Variants in FBXO33 observed in about 807,000 individuals in gnomAD.
FBXO33 encodes the protein F-box only protein 33.
FBXO33 carries 22 observed loss-of-function variants against 46.3 expected under a neutral mutation model. The observed-to-expected ratio is 0.48, with a 90% CI of 0.34 to 0.68. The LOEUF is 0.68. FBXO33 is among the 30% of genes least tolerant of loss of function. FBXO33 has a pLI of 0.01. For missense variants in FBXO33, 692 were observed against 708.8 expected, an observed-to-expected ratio of 0.98 and a Z score of 0.27; for synonymous variants, 337 against 291.3, an observed-to-expected ratio of 1.16 and a Z score of -1.60.
chr14:39,431,994 C>G lies in FBXO33; in HGVS notation c.169G>C (p.Gly57Arg). 1 of 1,436,286 alleles carries G rather than the reference C, an allele frequency of 7.0e-7. No individual in the cohort carries two copies. Among genetic ancestry groups the G allele is most frequent in the Non-Finnish European group, 9.0e-7 (1 of 1,107,930 alleles). The allele number at this position is 1,436,286 out of a possible 1,614,324, so 89.0% of individuals were successfully genotyped here. ...GRPGAGSRRRGRMALCGQAAG... is the reference protein window; with the variant it reads ...GRPGAGSRRRRRMALCGQAAG... ...GCCTGCCCGCACAGAGCCATCCGGC[C>G]CCGCCGCCGGCTGCCGGCTCCCGGC... is the stretch of plus-strand genomic sequence containing the variant. Residue 57 changes from glycine to arginine, a missense_variant, in exon 1 of 4, where the codon GGC (glycine) becomes CGC (arginine). This residue lies in a region of FBXO33 where 412 missense variants were observed against 370.8 expected (regional missense o/e 1.11). Transcript: ENST00000298097.
rs758242416 is a variant in FBXO33 at position 39,432,036 on chromosome 14, G to A, written c.127C>T (p.Arg43Trp). 27 of 1,331,230 alleles carry A rather than the reference G, an allele frequency of 2.0e-5. No individual in the cohort carries two copies. The highest frequency in any genetic ancestry group is 1.6e-4 in the Admixed American group (4 of 25,452). The allele number at this position is 1,331,230 out of a possible 1,614,324, so 82.5% of individuals were successfully genotyped here. The stretch of plus-strand genomic sequence containing the variant: ...GCTCCCGGCCGCCCCCGCAGTACCC[G>A]GAGCAGCCCCCGCAGCCGTCGCAGC... ...QQLRRLRGLLRVLRGRPGAGS... is the reference protein window; with the variant it reads ...QQLRRLRGLLWVLRGRPGAGS... Residue 43 changes from arginine to tryptophan, a missense_variant, in exon 1 of 4, where the codon CGG (arginine) becomes TGG (tryptophan). By Grantham distance (101) the Arg-to-Trp change is moderately radical. Coordinates refer to ENST00000298097, the MANE Select transcript of FBXO33 (RefSeq NM_203301.4).
chr14:39,432,252 G>A lies in FBXO33; in HGVS notation c.-90C>T. 9.4e-7 allele frequency: 1 copy of A among 1,065,116 alleles called. No homozygotes were observed. The highest frequency in any genetic ancestry group is 1.2e-6 in the Non-Finnish European group (1 of 855,388). The allele number at this position is 1,065,116 out of a possible 1,614,324, so 66.0% of individuals were successfully genotyped here. On this transcript the variant is annotated 5_prime_UTR_variant, in exon 1 of 4. Transcript: ENST00000298097. ...TGTGGAGAGGGGGAAAGGCCTCTGCGGGCGTGGCCTGCCGGGAGCCAGCCT... is the reference window on the plus strand; with the variant it reads ...TGTGGAGAGGGGGAAAGGCCTCTGCAGGCGTGGCCTGCCGGGAGCCAGCCT...
Position 39,401,206 on chromosome 14 carries a change from A to G in FBXO33, c.1366T>C (p.Cys456Arg). 1 of 1,603,040 alleles carries G rather than the reference A, an allele frequency of 6.2e-7. No homozygotes were observed. Among genetic ancestry groups the G allele is most frequent in the Non-Finnish European group, 8.5e-7 (1 of 1,175,374 alleles). ...EDPLVLLAWR[C>R]TKLSLLAIHG... ...ATTGCCAGAAGAGAGAGCTTTGTGC[A>G]CCTCCATGCTAATAAAACCAACGGA... The change falls in exon 3 of 4, where the codon TGC becomes CGC. Residue 456 changes from cysteine (C) to arginine (R), a missense_variant. Physicochemically the swap from Cys to Arg is radical, Grantham distance 180. Coordinates refer to ENST00000298097, the MANE Select transcript of FBXO33 (RefSeq NM_203301.4).
At chr14:39,425,321 A>T (rs1273934335) in intron 1 of FBXO33, among the ~76,000 whole-genome samples, 1 of 152,192 alleles carries the variant, frequency 6.6e-6, no homozygotes, top group Non-Finnish European at 1.5e-5. Context: ...CAGAGGATCC[A>T]AAATTATTTC....
At chr14:39,402,627 C>A in intron 1 of FBXO33, 116 bp from the exon 2 acceptor site, 8 of 351,804 alleles carry the variant, frequency 2.3e-5, no homozygotes, top group East Asian at 1.0e-4. Context: ...TTTTATAACT[C>A]AATTAGAATC....
chr14:39,432,055 T>C lies in FBXO33; in HGVS notation c.108A>G (p.Arg36=), dbSNP rs1408907271. Residue 36 remains arginine (R), a synonymous_variant, in exon 1 of 4, where the codon CGA becomes CGG. Transcript: ENST00000298097. The stretch of plus-strand genomic sequence containing the variant: ...GTACCCGGAGCAGCCCCCGCAGCCG[T>C]CGCAGCTGCTGCAGCCGCAGCCGCC... The part of the protein sequence containing the change: ...RWRRLRLQQL[R]RLRGLLRVLR... The C allele has an allele frequency of 1.1e-5, 14 of 1,221,062 alleles. No individual in the cohort carries two copies. The highest frequency in any genetic ancestry group is 2.5e-4 in the Middle Eastern group (1 of 4,076). The allele number at this position is 1,221,062 out of a possible 1,614,324, so 75.6% of individuals were successfully genotyped here.
intron 1 of FBXO33, among the ~76,000 whole-genome samples, chr14:39,409,838 T>A (rs1246814876): frequency 1.3e-5 from 2 of 152,222 alleles, no homozygotes; most frequent in Non-Finnish European, 1.5e-5. Context: ...TCAATGGGAT[T>A]TTCTTAATTT....
At chr14:39,426,464 C>T (rs188378026) in intron 1 of FBXO33, among the ~76,000 whole-genome samples, 12 of 152,268 alleles carry the variant, frequency 7.9e-5, no homozygotes, top group Non-Finnish European at 1.3e-4. Context: ...GGGTGATTGT[C>T]TTAAAATGCA....
chr14:39,430,724 A>G (rs2075539669), intron 1 of FBXO33, among the ~76,000 whole-genome samples: 1 of 152,212 alleles, frequency 6.6e-6, no homozygotes, highest in African/African-American at 2.4e-5. Context: ...TAGAATATCC[A>G]TATAAAGAAG....
chr14:39,413,746 T>C (rs912308112), intron 1 of FBXO33, among the ~76,000 whole-genome samples: 13 of 152,204 alleles, frequency 8.5e-5, no homozygotes, highest in African/African-American at 3.1e-4. Context: ...CCAGAGCTCT[T>C]GAGTGACCAT....
At chr14:39,422,526 T>C (rs1483057625) in intron 1 of FBXO33, among the ~76,000 whole-genome samples, 1 of 152,224 alleles carries the variant, frequency 6.6e-6, no homozygotes, top group Non-Finnish European at 1.5e-5. Context: ...TCAAAGTCCT[T>C]ACAAGAGCCT....
intron 1 of FBXO33, among the ~76,000 whole-genome samples, chr14:39,409,875 G>T (rs978260344): frequency 4.0e-5 from 6 of 151,684 alleles, no homozygotes; most frequent in Admixed American, 1.3e-4. Context: ...AACTGCAACT[G>T]ATTTTTGTAT....
At chr14:39,422,843 G>T (rs2075491817) in intron 1 of FBXO33, among the ~76,000 whole-genome samples, 2 of 152,130 alleles carry the variant, frequency 1.3e-5, no homozygotes, top group African/African-American at 4.8e-5. Flanking sequence ...AATGCTTAAG[G>T]CCGGGTGCAG....
rs192335869 is a variant in FBXO33 at position 39,397,793 on chromosome 14, C to T, written c.*1723G>A. On this transcript the variant is annotated 3_prime_UTR_variant, in exon 4 of 4. Transcript: ENST00000298097. ...TTTATTCATTGATTAAAAGAATATA[C>T]ATTTAACATAAACCATACAACATCA... 6.5e-6 allele frequency: 1 copy of T among 152,694 alleles called. No homozygotes were observed. Among genetic ancestry groups the T allele is most frequent in the East Asian group, 1.9e-4 (1 of 5,182 alleles). 9.5% of individuals were successfully genotyped at this position (152,694 alleles called of 1,614,324 possible).
At chr14:39,426,956 G>A (rs2075518375) in intron 1 of FBXO33, among the ~76,000 whole-genome samples, 1 of 152,104 alleles carries the variant, frequency 6.6e-6, no homozygotes, top group African/African-American at 2.4e-5. Context: ...CCGTGAGAAC[G>A]GGAAGCATGT....
At position 39,432,184 on chromosome 14, in the gene FBXO33, C is replaced by T; in HGVS notation, c.-22G>A. ...ACATCAATGACTAGGAAGAAGGGGGCGGAACCGTCGTGGGTCTCGGCGGAA... is the reference window on the plus strand; with the variant it reads ...ACATCAATGACTAGGAAGAAGGGGGTGGAACCGTCGTGGGTCTCGGCGGAA... On this transcript the variant is annotated 5_prime_UTR_variant, in exon 1 of 4. Coordinates refer to ENST00000298097, the MANE Select transcript of FBXO33 (RefSeq NM_203301.4). The T allele has an allele frequency of 1.6e-6, 2 of 1,219,930 alleles. No individual in the cohort carries two copies. The highest frequency in any genetic ancestry group is 4.1e-5 in the South Asian group (1 of 24,334). 75.6% of individuals were successfully genotyped at this position (1,219,930 alleles called of 1,614,324 possible).
intron 1 of FBXO33, among the ~76,000 whole-genome samples, chr14:39,403,728 T>C (rs1222944711): frequency 2.6e-5 from 4 of 152,044 alleles, no homozygotes; most frequent in African/African-American, 7.2e-5. Flanking sequence ...ACATAAAACT[T>C]AGGGATAATT....
At chr14:39,423,671 C>G (rs1468223804) in intron 1 of FBXO33, among the ~76,000 whole-genome samples, 3 of 152,116 alleles carry the variant, frequency 2.0e-5, no homozygotes, top group African/African-American at 7.2e-5. Flanking sequence ...TATAATCTTG[C>G]TTATATGAAG....
chr14:39,408,782 CA>C (rs2075409957), intron 1 of FBXO33, among the ~76,000 whole-genome samples: 1 of 151,454 alleles, frequency 6.6e-6, no homozygotes. Flanking sequence ...TTTTATCTCA[CA>C]TTTTTTTTCT....
Sources: allele counts gnomAD v4.1 joint callset (sites outside exome capture counted in the v4.1 genomes callset), GRCh38; gene constraint gnomAD v4.1.1; regional missense constraint gnomAD v4.1.1; transcripts MANE v1.5; gene names NCBI Gene and HGNC (gene_info 2026-07-23, HGNC 2026-07-21).